Variants in CNTN3 observed in about 807,000 individuals in gnomAD.
CNTN3 encodes contactin-3.
A neutral mutation model predicts 119.1 loss-of-function variants in CNTN3; 60 were observed. The ratio of observed to expected loss-of-function variants is 0.50; its 90% CI spans 0.41 to 0.62. The LOEUF is 0.62. Ranked by LOEUF, CNTN3 falls within the 20% of genes least tolerant of loss-of-function variation. The pLI is 0.00. For synonymous variants in CNTN3, 450 were observed against 438.7 expected (o/e 1.03, Z -0.32); for missense variants, 1,101 against 1,242.4 (o/e 0.89, Z 1.71).
At chr3:74,442,792 T>G (rs9847136) in intron 4 of CNTN3, among the ~76,000 whole-genome samples, 67,432 of 151,684 alleles carry the variant, frequency 0.44, 15,023 homozygotes, top group East Asian at 0.56. Context: ...ATTCACAGCA[T>G]GACTCTCACA....
At chr3:74,580,319 A>G (rs971792017) in intron 1 of CNTN3, among the ~76,000 whole-genome samples, 2 of 152,184 alleles carry the variant, frequency 1.3e-5, no homozygotes, top group African/African-American at 4.8e-5. Context: ...TTAAGAAAAT[A>G]TCAATCTTAC....
intron 5 of CNTN3, among the ~76,000 whole-genome samples, chr3:74,379,816 C>T (rs1295207089): frequency 6.6e-6 from 1 of 152,154 alleles, no homozygotes; most frequent in Non-Finnish European, 1.5e-5. Flanking sequence ...CTAGCAACAG[C>T]ATTGGCAAGA....
intron 1 of CNTN3, among the ~76,000 whole-genome samples, chr3:74,603,991 A>G (rs528654777): frequency 1.3e-5 from 2 of 152,258 alleles, no homozygotes; most frequent in African/African-American, 2.4e-5. Context: ...AGAACAGAAC[A>G]GAGAGTCAAG....
chr3:74,373,776 A>G (rs188572833), intron 5 of CNTN3, among the ~76,000 whole-genome samples: 3 of 152,292 alleles, frequency 2.0e-5, no homozygotes, highest in Admixed American at 2.0e-4. Flanking sequence ...GTAGTTATAG[A>G]GATACTGTGG....
intron 3 of CNTN3, among the ~76,000 whole-genome samples, chr3:74,495,247 G>C (rs959760669): frequency 9.9e-5 from 15 of 151,966 alleles, no homozygotes; most frequent in Admixed American, 9.9e-4. Flanking sequence ...AAATAATTTA[G>C]AGGAACAATA....
chr3:74,306,350 T>C (rs1702563906), intron 13 of CNTN3, among the ~76,000 whole-genome samples: 1 of 152,168 alleles, frequency 6.6e-6, no homozygotes, highest in Non-Finnish European at 1.5e-5. Flanking sequence ...TGCCATTCTT[T>C]AGAGTATAAA....
At chr3:74,443,361 G>T (rs1701997349) in intron 4 of CNTN3, among the ~76,000 whole-genome samples, 1 of 152,118 alleles carries the variant, frequency 6.6e-6, no homozygotes, top group South Asian at 2.1e-4. Context: ...TGCTGCTTAT[G>T]CACAAATGAA....
chr3:74,354,846 T>C (rs1703900244), intron 11 of CNTN3, among the ~76,000 whole-genome samples: 1 of 152,150 alleles, frequency 6.6e-6, no homozygotes, highest in African/African-American at 2.4e-5. Context: ...CACTAAATCA[T>C]TAAATGAGGC....
chr3:74,476,717 T>C (rs1702662562), intron 4 of CNTN3, among the ~76,000 whole-genome samples: 1 of 152,010 alleles, frequency 6.6e-6, no homozygotes, highest in Non-Finnish European at 1.5e-5. Context: ...AATGATACTC[T>C]GAATAAAGAA....
chr3:74,368,276 C>T (rs925580111), intron 8 of CNTN3, among the ~76,000 whole-genome samples: 1 of 152,030 alleles, frequency 6.6e-6, no homozygotes, highest in Non-Finnish European at 1.5e-5. Context: ...CCTTTGCAAA[C>T]TTTTCTTCCT....
chr3:74,364,740 C>A (rs1033896630), intron 9 of CNTN3, 144 bp from the exon 10 acceptor site: 1 of 606,960 alleles, frequency 1.6e-6, no homozygotes, highest in East Asian at 2.9e-5. Context: ...TAACCTTTTC[C>A]TTATTTTAAA....
At chr3:74,428,128 C>T (rs1701725799) in intron 4 of CNTN3, among the ~76,000 whole-genome samples, 1 of 151,922 alleles carries the variant, frequency 6.6e-6, no homozygotes, top group African/African-American at 2.4e-5. Context: ...TACTATGCTG[C>T]CAGTCATATA....
chr3:74,498,739 G>T (rs1159005895), intron 3 of CNTN3, among the ~76,000 whole-genome samples: 1 of 151,776 alleles, frequency 6.6e-6, no homozygotes, highest in African/African-American at 2.4e-5. Context: ...GCTGAAGTTT[G>T]CTTGTTCTGC....
intron 5 of CNTN3, among the ~76,000 whole-genome samples, chr3:74,380,759 T>C (rs934619989): frequency 2.0e-5 from 3 of 152,180 alleles, no homozygotes; most frequent in Non-Finnish European, 2.9e-5. Context: ...CAATAAAATA[T>C]CTGAAATAAT....
At chr3:74,540,168 C>G (rs1703823053) in intron 1 of CNTN3, among the ~76,000 whole-genome samples, 1 of 152,102 alleles carries the variant, frequency 6.6e-6, no homozygotes, top group South Asian at 2.1e-4. Context: ...TCCTAATTCT[C>G]TGATTTCTAT....
intron 1 of CNTN3, among the ~76,000 whole-genome samples, chr3:74,610,905 T>C (rs767623199): frequency 6.6e-6 from 1 of 152,192 alleles, no homozygotes; most frequent in Non-Finnish European, 1.5e-5. Flanking sequence ...GGTGTCAAGA[T>C]TTACCCTATT....
intron 4 of CNTN3, among the ~76,000 whole-genome samples, chr3:74,471,058 G>C (rs909528165): frequency 1.3e-5 from 2 of 152,034 alleles, no homozygotes; most frequent in Non-Finnish European, 1.5e-5. Flanking sequence ...TGTATTTTTA[G>C]TAGAGATGGG....
At chr3:74,609,993 A>G (rs1300660508) in intron 1 of CNTN3, among the ~76,000 whole-genome samples, 3 of 152,110 alleles carry the variant, frequency 2.0e-5, no homozygotes, top group Non-Finnish European at 4.4e-5. Context: ...AGCAAATGAT[A>G]TTTACACTGT....
chr3:74,424,474 C>CAGAGAGAGCG (rs1553659078), intron 5 of CNTN3, among the ~76,000 whole-genome samples: 2 of 142,446 alleles, frequency 1.4e-5, no homozygotes, highest in Non-Finnish European at 3.1e-5. Flanking sequence ...GTGTGTGTGA[C>CAGAGAGAGCG]AGAGAGAGAG....
Sources: allele counts gnomAD v4.1 joint callset (sites outside exome capture counted in the v4.1 genomes callset), GRCh38; gene constraint gnomAD v4.1.1; transcripts MANE v1.5; gene names NCBI Gene and HGNC (gene_info 2026-07-23, HGNC 2026-07-21).